The following RABGAP1L variants were observed in gnomAD, a reference collection of about 807,000 sequenced individuals.
RABGAP1L encodes the protein RAB GTPase activating protein 1 like.
In RABGAP1L, 63 loss-of-function variants were observed where a neutral mutation model predicts 137.7. The observed-to-expected ratio is 0.46, with a 90% CI of 0.37 to 0.56. The LOEUF (loss-of-function observed/expected upper bound fraction) is 0.56. Among genes scored for constraint, RABGAP1L ranks in the 20% least tolerant of loss-of-function variants. The probability of loss-of-function intolerance (pLI) is 0.00; values close to 1 mark genes in which losing one functional copy is unlikely to be tolerated. For missense variants in RABGAP1L, 1,095 were observed against 1,244.0 expected, an observed-to-expected ratio of 0.88 and a Z score of 1.80; for synonymous variants, 431 against 433.7, an observed-to-expected ratio of 0.99 and a Z score of 0.08.
Position 174,571,312 on chromosome 1 carries a change from G to A in RABGAP1L, c.1711-66063G>A, listed in dbSNP as rs565451017. Among the ~76,000 whole-genome samples, 4 of 151,862 alleles carry A rather than the reference G, an allele frequency of 2.6e-5. No individual in the cohort carries two copies. In the South Asian group the frequency reaches 8.3e-4, roughly 32 times the overall value. On this transcript the variant is annotated intron_variant, in intron 13 of 25. Coordinates refer to ENST00000681986, the MANE Select transcript of RABGAP1L (RefSeq NM_001366446.1). ...GGCAGGGTTGCAGGGGAGGAGGGAT[G>A]GGCAAAAAAAATAATTAGAAAGAAT...
At chr1:174,792,595 G>A (rs972273630) in intron 18 of RABGAP1L, among the ~76,000 whole-genome samples, 3 of 152,126 alleles carry the variant, frequency 2.0e-5, no homozygotes, top group East Asian at 1.9e-4. Context: ...ATAAGTTTAC[G>A]GCACTGATAG....
chr1:174,691,368 A>G (rs1158344114), intron 15 of RABGAP1L, among the ~76,000 whole-genome samples: 2 of 152,160 alleles, frequency 1.3e-5, no homozygotes, highest in Non-Finnish European at 2.9e-5. Flanking sequence ...GCTTTGTTTT[A>G]TAGTTTCTTG....
chr1:174,752,988 A>T (rs1253438552), intron 18 of RABGAP1L, among the ~76,000 whole-genome samples: 1 of 152,228 alleles, frequency 6.6e-6, no homozygotes, highest in Non-Finnish European at 1.5e-5. Flanking sequence ...CTGATATTAA[A>T]GGCAATAATT....
intron 14 of RABGAP1L, among the ~76,000 whole-genome samples, chr1:174,651,513 G>C (rs1396128425): frequency 6.6e-6 from 1 of 152,168 alleles, no homozygotes; most frequent in Non-Finnish European, 1.5e-5. Context: ...ATGAATCTGG[G>C]TGCTCCTGTA....
At chr1:174,649,757 G>A (rs1011274734) in intron 14 of RABGAP1L, among the ~76,000 whole-genome samples, 6 of 152,110 alleles carry the variant, frequency 3.9e-5, no homozygotes, top group African/African-American at 1.4e-4. Context: ...GGTTTTTCTA[G>A]ATATGCAATG....
intron 19 of RABGAP1L, among the ~76,000 whole-genome samples, chr1:174,889,128 C>CTTT (rs34006510): frequency 6.9e-6 from 1 of 144,512 alleles, no homozygotes; most frequent in African/African-American, 2.5e-5. Context: ...TTAATTTTAA[C>CTTT]TTTTTTTTTT....
chr1:174,552,308 C>T (rs1245647263), intron 13 of RABGAP1L, among the ~76,000 whole-genome samples: 1 of 152,048 alleles, frequency 6.6e-6, no homozygotes, highest in East Asian at 1.9e-4. Context: ...TCTTGATTAT[C>T]TCCCTCCTTC....
In RABGAP1L at chr1:174,621,734, T is replaced by G. The variant is rs1446345936; in HGVS notation, c.1711-15641T>G. On this transcript the variant is annotated intron_variant, in intron 13 of 25. Coordinates refer to ENST00000681986, the MANE Select transcript of RABGAP1L (RefSeq NM_001366446.1). ...GGATTAAAGACTTAAACGTTAGACC[T>G]AAAACCATAAAAACCCTAGAAGAAA... Among the ~76,000 whole-genome samples, 5 of 152,096 alleles carry G rather than the reference T, an allele frequency of 3.3e-5. No homozygotes were observed. In the South Asian group the frequency reaches 8.3e-4, roughly 25 times the overall value.
intron 19 of RABGAP1L, among the ~76,000 whole-genome samples, chr1:174,838,532 G>C (rs754020733): frequency 6.6e-6 from 1 of 152,184 alleles, no homozygotes; most frequent in Non-Finnish European, 1.5e-5. Context: ...TAGTGACATA[G>C]TGGACTGATC....
chr1:174,847,236 T>A (rs1694162794), intron 19 of RABGAP1L, among the ~76,000 whole-genome samples: 1 of 151,750 alleles, frequency 6.6e-6, no homozygotes, highest in Non-Finnish European at 1.5e-5. Context: ...CATTTAAAGT[T>A]AATATTGTTA....
At chr1:174,562,377 A>G (rs1161792202) in intron 13 of RABGAP1L, among the ~76,000 whole-genome samples, 1 of 152,222 alleles carries the variant, frequency 6.6e-6, no homozygotes, top group Non-Finnish European at 1.5e-5. Context: ...GAGGATGTAG[A>G]GAAACAGGAA....
intron 17 of RABGAP1L, among the ~76,000 whole-genome samples, chr1:174,715,994 T>C (rs1680971346): frequency 6.6e-6 from 1 of 152,250 alleles, no homozygotes; most frequent in Admixed American, 6.5e-5. Flanking sequence ...GTTCCCTGTA[T>C]AAAATGGCAT....
intron 13 of RABGAP1L, among the ~76,000 whole-genome samples, chr1:174,587,782 CA>C (rs140883254): frequency 0.089 from 13,600 of 152,222 alleles, 824 homozygotes; most frequent in East Asian, 0.22. Flanking sequence ...ACAATAACAT[CA>C]GGGGAAATGA....
At position 174,176,741 on chromosome 1, in the gene RABGAP1L, A is replaced by ATAAAAGAAAAT. The variant is rs1553248315; in HGVS notation, c.-34+17084_-34+17085insTAAAAGAAAAT. Among the ~76,000 whole-genome samples the ATAAAAGAAAAT allele has an allele frequency of 1.8e-5, 2 of 111,778 alleles. 1 individual carries two copies. The highest frequency in any genetic ancestry group is 2.1e-4 in the Admixed American group (2 of 9,736). 73.3% of individuals were successfully genotyped at this position (111,778 alleles called of 152,430 possible). ...AAAAAAAAAAAAAAAAAAAAAAAAA[A>ATAAAAGAAAAT]AAAAAGGTCAACATTTGTTAATACT... On this transcript the variant is annotated intron_variant, in intron 1 of 25. Coordinates refer to ENST00000681986, the MANE Select transcript of RABGAP1L (RefSeq NM_001366446.1).
chr1:174,318,841 C>T (rs1679671567), intron 11 of RABGAP1L, among the ~76,000 whole-genome samples: 1 of 151,818 alleles, frequency 6.6e-6, no homozygotes, highest in African/African-American at 2.4e-5. Flanking sequence ...TAACTAACTG[C>T]ATTAAAAAAA....
chr1:174,290,422 G>A (rs1476324410), intron 10 of RABGAP1L, among the ~76,000 whole-genome samples: 3 of 152,190 alleles, frequency 2.0e-5, no homozygotes. Flanking sequence ...GGCTGTTTTG[G>A]CCTGGGGTAG....
chr1:174,779,681 A>G lies in RABGAP1L; in HGVS notation c.2211+27327A>G, dbSNP rs550990636. Among the ~76,000 whole-genome samples the G allele has an allele frequency of 3.3e-5, 5 of 152,320 alleles. No homozygotes were observed. The South Asian group carries it at 1.0e-3, about 32-fold the overall frequency. ...GGTTTTGAAGTTTTGTATTAGAAAG[A>G]AATCATACTAACCCTTACTTCATTT... On this transcript the variant is annotated intron_variant, in intron 18 of 25. Transcript: ENST00000681986.
chr1:174,485,849 T>C (rs1659565403), intron 13 of RABGAP1L, among the ~76,000 whole-genome samples: 1 of 152,232 alleles, frequency 6.6e-6, no homozygotes, highest in African/African-American at 2.4e-5. Flanking sequence ...AATACTGGCC[T>C]TGTAGAGTGA....
chr1:174,751,219 T>C (rs908671362), intron 17 of RABGAP1L, among the ~76,000 whole-genome samples: 1 of 152,240 alleles, frequency 6.6e-6, no homozygotes, highest in African/African-American at 2.4e-5. Flanking sequence ...ATTCCTTCCA[T>C]CATTATGTTA....
Sources: allele counts gnomAD v4.1 joint callset (sites outside exome capture counted in the v4.1 genomes callset), GRCh38; gene constraint gnomAD v4.1.1; transcripts MANE v1.5; gene names NCBI Gene and HGNC (gene_info 2026-07-23, HGNC 2026-07-21).